C1QL1: variants seen among roughly 807,000 people sequenced by gnomAD.
The protein encoded by C1QL1 is C1q-related factor.
Under a neutral mutation model 14.2 loss-of-function variants are expected in C1QL1, and 15 were observed. The observed-to-expected ratio is 1.06, with a 90% CI of 0.71 to 1.62. The LOEUF is 1.62. Ranked by LOEUF, C1QL1 falls within the 40% of genes most tolerant of loss-of-function variation. C1QL1 has a pLI of 0.00. For missense variants in C1QL1, 346 were observed against 380.3 expected (o/e 0.91, Z 0.75); for synonymous variants, 172 against 172.4 (o/e 1.00, Z 0.02).
rs193041471 is a variant in C1QL1 at position 44,963,314 on chromosome 17, G to A, written c.598-2947C>T. Among the ~76,000 whole-genome samples the A allele has an allele frequency of 6.0e-3, 909 of 152,308 alleles. 7 individuals carry two copies. The highest frequency in any genetic ancestry group is 0.021 in the African/African-American group (877 of 41,564). Reference sequence around the variant, plus strand: ...TTGCATTTTCATACATACATTAACTGCATTCCCACTGTGCCAGGCACTGTG... The same window carrying A: ...TTGCATTTTCATACATACATTAACTACATTCCCACTGTGCCAGGCACTGTG... On this transcript the variant is annotated intron_variant, in intron 1 of 1. Transcript: ENST00000253407.
chr17:44,960,563 T>A (rs2052622406), intron 1 of C1QL1, among the ~76,000 whole-genome samples, 196 bp from the exon 2 acceptor site: 1 of 152,228 alleles, frequency 6.6e-6, no homozygotes, highest in Non-Finnish European at 1.5e-5. Context: ...GCAGAGAGGA[T>A]CCCTGGATTT....
intron 1 of C1QL1, among the ~76,000 whole-genome samples, chr17:44,962,531 C>T (rs1020558394): frequency 6.6e-6 from 1 of 152,090 alleles, no homozygotes; most frequent in Non-Finnish European, 1.5e-5. Context: ...TTTGCCTCAC[C>T]ACTGCCACCT....
chr17:44,959,876 C>A lies in C1QL1; in HGVS notation c.*312G>T, dbSNP rs534446869. ...AGCAAACCCGCCGCCGCGACCTCTCCCCAGGCTGGGGTGGGCTGGCAGGCG... is the reference window on the plus strand; with the variant it reads ...AGCAAACCCGCCGCCGCGACCTCTCACCAGGCTGGGGTGGGCTGGCAGGCG... On this transcript the variant is annotated 3_prime_UTR_variant, in exon 2 of 2. Transcript: ENST00000253407. 57 of 275,854 alleles carry A rather than the reference C, an allele frequency of 2.1e-4. No individual in the cohort carries two copies. In the South Asian group the frequency reaches 2.4e-3, roughly 12 times the overall value. The allele number at this position is 275,854 out of a possible 1,614,324, so 17.1% of individuals were successfully genotyped here. A position where few individuals can be genotyped will look rare whatever the true frequency, so the allele number is the denominator to read the frequency against.
Position 44,964,403 on chromosome 17 carries a change from G to T in C1QL1, c.597+3049C>A, listed in dbSNP as rs535130482. 2.0e-4 allele frequency among the ~76,000 whole-genome samples: 31 copies of T among 152,256 alleles called. 4 individuals are homozygous for T. Among genetic ancestry groups the T allele is most frequent in the African/African-American group, 7.2e-4 (30 of 41,538 alleles). On this transcript the variant is annotated intron_variant, in intron 1 of 1. Coordinates refer to ENST00000253407, the MANE Select transcript of C1QL1 (RefSeq NM_006688.5). ...TCTGAGCTGGCTTTCCCCTACACTT[G>T]ACCTTTTATATTCTCCCTTGTGGTA...
intron 1 of C1QL1, among the ~76,000 whole-genome samples, chr17:44,965,115 C>A (rs1021042184): frequency 1.3e-5 from 2 of 152,086 alleles, no homozygotes; most frequent in Non-Finnish European, 2.9e-5. Flanking sequence ...CGGGTTCACG[C>A]CATTCTCCCG....
intron 1 of C1QL1, among the ~76,000 whole-genome samples, chr17:44,965,434 C>T (rs931992190): frequency 2.6e-5 from 4 of 152,210 alleles, no homozygotes; most frequent in Admixed American, 6.5e-5. Context: ...AGACGTGAGC[C>T]ACCAGGCCCA....
At chr17:44,960,423 G>A in intron 1 of C1QL1, 56 bp from the exon 2 acceptor site, 1 of 1,323,014 alleles carries the variant, frequency 7.6e-7, no homozygotes, top group East Asian at 2.3e-5. Flanking sequence ...TGAGAAGGGA[G>A]GGAGGTGAGG....
rs1287920327 is a variant in C1QL1, at chr17:44,963,328, C to CATA, written c.598-2962_598-2961insTAT. On this transcript the variant is annotated intron_variant, in intron 1 of 1. Coordinates refer to ENST00000253407, the MANE Select transcript of C1QL1 (RefSeq NM_006688.5). ...ATACATTAACTGCATTCCCACTGTGCCAGGCACTGTGCTCTGTGTTGTGAA... is the reference window on the plus strand; with the variant it reads ...ATACATTAACTGCATTCCCACTGTGCATACAGGCACTGTGCTCTGTGTTGTGAA... 6.0e-3 allele frequency among the ~76,000 whole-genome samples: 908 copies of CATA among 152,270 alleles called. 8 individuals are homozygous for CATA. The highest frequency in any genetic ancestry group is 0.021 in the African/African-American group (876 of 41,538).
chr17:44,965,135 C>T (rs1483112708), intron 1 of C1QL1, among the ~76,000 whole-genome samples: 1 of 152,168 alleles, frequency 6.6e-6, no homozygotes, highest in Admixed American at 6.5e-5. Flanking sequence ...GCCTTAGCCT[C>T]CCAAGTAGCT....
chr17:44,962,577 A>G (rs754818558), intron 1 of C1QL1, among the ~76,000 whole-genome samples: 1 of 152,216 alleles, frequency 6.6e-6, no homozygotes, highest in Non-Finnish European at 1.5e-5. Flanking sequence ...AAAAAAAAAC[A>G]TTAGATCTTG....
rs2052668580 is a variant in C1QL1, at chr17:44,968,057, C to T, written c.-9G>A. 6 of 1,305,098 alleles carry T rather than the reference C, an allele frequency of 4.6e-6. No individual in the cohort carries two copies. The highest frequency in any genetic ancestry group is 5.8e-6 in the Non-Finnish European group (6 of 1,027,032). 80.8% of individuals were successfully genotyped at this position (1,305,098 alleles called of 1,614,324 possible). On this transcript the variant is annotated 5_prime_UTR_variant, in exon 1 of 2. Transcript: ENST00000253407. ...ACCAGCACCAGCAGCATCACCACAC[C>T]CGCGGCGGCCGCTAGCAGCGTCTTT...
chr17:44,963,376 T>C (rs1378063354), intron 1 of C1QL1, among the ~76,000 whole-genome samples: 1 of 151,678 alleles, frequency 6.6e-6, no homozygotes, highest in African/African-American at 2.4e-5. Context: ...CCAGAAAGGA[T>C]AGCCAGGGGG....
chr17:44,961,069 G>A (rs2052624903), intron 1 of C1QL1, among the ~76,000 whole-genome samples: 1 of 152,210 alleles, frequency 6.6e-6, no homozygotes, highest in South Asian at 2.1e-4. Context: ...CACCCAAAGA[G>A]GATTGTAGCT....
chr17:44,960,012 A>C lies in C1QL1; in HGVS notation c.*176T>G, dbSNP rs2052618427. ...CAGGGCGCGCTGGGCCCGGCTCTGC[A>C]GCGAGCCGGTGGGAGGGCCTAGCTG... is the stretch of plus-strand genomic sequence containing the variant. On this transcript the variant is annotated 3_prime_UTR_variant, in exon 2 of 2. Transcript: ENST00000253407. 3 of 627,000 alleles carry C rather than the reference A, an allele frequency of 4.8e-6. No homozygotes were observed. Among genetic ancestry groups the C allele is most frequent in the Non-Finnish European group, 8.4e-6 (3 of 355,752 alleles). The allele number at this position is 627,000 out of a possible 1,614,324, so 38.8% of individuals were successfully genotyped here.
intron 1 of C1QL1, among the ~76,000 whole-genome samples, chr17:44,963,279 T>C (rs2052637753): frequency 6.6e-6 from 1 of 151,892 alleles, no homozygotes; most frequent in African/African-American, 2.4e-5. Context: ...GCCTGGCCCA[T>C]GGGGGACACT....
Position 44,963,205 on chromosome 17 carries a change from G to A in C1QL1, c.598-2838C>T, listed in dbSNP as rs144881838. On this transcript the variant is annotated intron_variant, in intron 1 of 1. Transcript: ENST00000253407. ...GGGTGAGAGGGCATCCAGGAAACACGTTCCTGCCCTCAGATCAATGCTGGG... is the reference window on the plus strand; with the variant it reads ...GGGTGAGAGGGCATCCAGGAAACACATTCCTGCCCTCAGATCAATGCTGGG... Among the ~76,000 whole-genome samples, 489 of 152,294 alleles carry A rather than the reference G, an allele frequency of 3.2e-3. 1 individual carries two copies. The highest frequency in any genetic ancestry group is 0.011 in the African/African-American group (438 of 41,564).
In C1QL1 at chr17:44,967,759, C is replaced by T. The variant is rs780165422; in HGVS notation, c.290G>A (p.Gly97Glu). 3 of 1,567,706 alleles carry T rather than the reference C, an allele frequency of 1.9e-6. No individual in the cohort carries two copies. Among genetic ancestry groups the T allele is most frequent in the South Asian group, 1.1e-5 (1 of 88,386 alleles). ...PGPPGPVGPPGEKGEPGKPGP... is the reference protein window; with the variant it reads ...PGPPGPVGPPEEKGEPGKPGP... Reference sequence around the variant, plus strand: ...CGGCTTGCCTGGCTCACCCTTCTCCCCCGGCGGCCCCACAGGGCCGGGAGG... The same window carrying T: ...CGGCTTGCCTGGCTCACCCTTCTCCTCCGGCGGCCCCACAGGGCCGGGAGG... Residue 97 changes from glycine to glutamate, a missense_variant, in exon 1 of 2, where the codon GGG (glycine) becomes GAG (glutamate). Coordinates refer to ENST00000253407, the MANE Select transcript of C1QL1 (RefSeq NM_006688.5). This position sits in a 1 kb window ranked among gnomAD's most constrained non-coding sequence, Gnocchi z 7.0.
rs1177593145 is a variant in C1QL1 at position 44,967,844 on chromosome 17, G to C, written c.205C>G (p.Gln69Glu). ...PPPSTLVQGP[Q>E]GKPGRTGKPG... ...TTGCCGGTGCGGCCCGGCTTCCCCT[G>C]GGGGCCCTGCACCAGCGTGGAAGGC... Residue 69 changes from glutamine to glutamate, a missense_variant, in exon 1 of 2, where the codon CAG becomes GAG. Transcript: ENST00000253407. The surrounding 1 kb of genome is among the most constrained non-coding windows in gnomAD (Gnocchi z 7.0). The C allele has an allele frequency of 7.3e-7, 1 of 1,371,012 alleles. No individual in the cohort carries two copies. Among genetic ancestry groups the C allele is most frequent in the Non-Finnish European group, 9.3e-7 (1 of 1,073,570 alleles). 84.9% of individuals were successfully genotyped at this position (1,371,012 alleles called of 1,614,324 possible).
rs542682650 is a variant in C1QL1 at position 44,965,925 on chromosome 17, A to G, written c.597+1527T>C. Among the ~76,000 whole-genome samples, 19 of 152,362 alleles carry G rather than the reference A, an allele frequency of 1.2e-4. 1 individual carries two copies. The highest frequency in any genetic ancestry group is 1.2e-3 in the South Asian group (6 of 4,830). On this transcript the variant is annotated intron_variant, in intron 1 of 1. Coordinates refer to ENST00000253407, the MANE Select transcript of C1QL1 (RefSeq NM_006688.5). ...TAGGGGGAATCATGGGGCTGTCTGC[A>G]GAATGAGCCTTTGCTGGATACTGGG... is the stretch of plus-strand genomic sequence containing the variant.
Sources: gnomAD v4.1 joint callset for allele counts (sites outside exome capture counted in the v4.1 genomes callset) on GRCh38, gnomAD v4.1.1 for gene constraint, Gnocchi (gnomAD v3.1) non-coding constraint, MANE v1.5 for transcripts, NCBI Gene and HGNC (gene_info 2026-07-23, HGNC 2026-07-21) for gene names.